Variants in FHIT observed in about 807,000 individuals in gnomAD.
FHIT encodes fragile histidine triad diadenosine triphosphatase.
FHIT carries 19 observed loss-of-function variants against 17.9 expected under a neutral mutation model. That is an observed-to-expected ratio of 1.06 (90% CI 0.74 to 1.56). The LOEUF is 1.56. FHIT is among the 40% of genes most tolerant of loss of function. The pLI is 0.00. For missense variants in FHIT, 248 were observed against 189.2 expected (o/e 1.31, Z -1.82); for synonymous variants, 81 against 69.7 (o/e 1.16, Z -0.81).
chr3:60,160,463 T>A (rs1700891546), intron 5 of FHIT, among the ~76,000 whole-genome samples: 2 of 152,192 alleles, frequency 1.3e-5, no homozygotes, highest in Admixed American at 1.3e-4. Context: ...TACAACTATC[T>A]TTTTTGTTGT....
chr3:61,228,035 A>G (rs2040012246), intron 1 of FHIT, among the ~76,000 whole-genome samples: 1 of 152,190 alleles, frequency 6.6e-6, no homozygotes, highest in African/African-American at 2.4e-5. Context: ...AACACAATCT[A>G]CAGCTACTTT....
chr3:60,637,503 A>G (rs2039618510), intron 4 of FHIT, among the ~76,000 whole-genome samples: 1 of 152,142 alleles, frequency 6.6e-6, no homozygotes, highest in Non-Finnish European at 1.5e-5. Flanking sequence ...CATTAGATAC[A>G]TAATAATTTG....
intron 5 of FHIT, among the ~76,000 whole-genome samples, chr3:60,452,877 G>T (rs573924785): frequency 9.2e-5 from 14 of 152,256 alleles, no homozygotes; most frequent in Admixed American, 3.3e-4. Flanking sequence ...GTATGCAAAT[G>T]TAAGTGTCTT....
At chr3:60,545,505 T>C (rs768109860) in intron 4 of FHIT, among the ~76,000 whole-genome samples, 1 of 152,220 alleles carries the variant, frequency 6.6e-6, no homozygotes, top group Non-Finnish European at 1.5e-5. Flanking sequence ...AGCTATATAT[T>C]GCCGTGAAAG....
chr3:60,615,584 A>T (rs1315899055), intron 4 of FHIT, among the ~76,000 whole-genome samples: 1 of 152,232 alleles, frequency 6.6e-6, no homozygotes, highest in African/African-American at 2.4e-5. Context: ...ACTTACATTG[A>T]TCATAACAGT....
chr3:60,296,013 T>C (rs986056639), intron 5 of FHIT, among the ~76,000 whole-genome samples: 2 of 152,120 alleles, frequency 1.3e-5, no homozygotes, highest in African/African-American at 4.8e-5. Flanking sequence ...CAAGATCTGA[T>C]GGTTTTATAA....
At chr3:60,141,452 G>C (rs1700036215) in intron 5 of FHIT, among the ~76,000 whole-genome samples, 2 of 146,150 alleles carry the variant, frequency 1.4e-5, no homozygotes, top group Admixed American at 1.4e-4. Context: ...AAAAATCAAA[G>C]CGAGAAAGTC....
At chr3:60,407,153 ACTG>A (rs1439444133) in intron 5 of FHIT, among the ~76,000 whole-genome samples, 2 of 129,070 alleles carry the variant, frequency 1.5e-5, no homozygotes, top group African/African-American at 2.9e-5. Flanking sequence ...GCTAACTGTT[ACTG>A]GTAAAAACAC....
At chr3:60,227,317 A>G (rs975083394) in intron 5 of FHIT, among the ~76,000 whole-genome samples, 2 of 152,198 alleles carry the variant, frequency 1.3e-5, no homozygotes, top group African/African-American at 2.4e-5. Flanking sequence ...CAGAACTCTA[A>G]TACCTTAACT....
chr3:60,948,880 A>C (rs1553776412), intron 3 of FHIT, among the ~76,000 whole-genome samples: 1 of 152,186 alleles, frequency 6.6e-6, no homozygotes, highest in East Asian at 1.9e-4. Flanking sequence ...ATTTACCAAA[A>C]GGTCAACACC....
chr3:60,339,841 T>C (rs890285099), intron 5 of FHIT, among the ~76,000 whole-genome samples: 1 of 152,186 alleles, frequency 6.6e-6, no homozygotes, highest in Non-Finnish European at 1.5e-5. Flanking sequence ...CTTGTTGCTA[T>C]GCACGCTCAT....
intron 5 of FHIT, among the ~76,000 whole-genome samples, chr3:60,215,227 C>T (rs1024670405): frequency 3.9e-5 from 6 of 152,132 alleles, no homozygotes; most frequent in South Asian, 2.1e-4. Flanking sequence ...CCTGGTGGCT[C>T]ACAGCTGTAA....
chr3:60,252,152 G>A (rs1405913026), intron 5 of FHIT, among the ~76,000 whole-genome samples: 2 of 152,158 alleles, frequency 1.3e-5, no homozygotes, highest in African/African-American at 4.8e-5. Flanking sequence ...CAACAGCTCT[G>A]TTGTTAAAGG....
chr3:61,211,109 G>A (rs2039453264), intron 1 of FHIT, among the ~76,000 whole-genome samples: 1 of 151,856 alleles, frequency 6.6e-6, no homozygotes, highest in Non-Finnish European at 1.5e-5. Flanking sequence ...ATTTCCATCT[G>A]AGGTACCAGG....
intron 5 of FHIT, among the ~76,000 whole-genome samples, chr3:60,525,723 T>G (rs575972719): frequency 6.6e-6 from 1 of 152,330 alleles, no homozygotes; most frequent in Admixed American, 6.5e-5. Context: ...TTTTATTACT[T>G]AGAGCTCTCT....
At chr3:60,024,869 G>A (rs1700681602) in intron 5 of FHIT, among the ~76,000 whole-genome samples, 1 of 152,234 alleles carries the variant, frequency 6.6e-6, no homozygotes, top group South Asian at 2.1e-4. Context: ...ATTTCGGAGA[G>A]TGGAGATGTA....
chr3:61,144,018 G>A (rs1041843976), intron 2 of FHIT, among the ~76,000 whole-genome samples: 5 of 152,102 alleles, frequency 3.3e-5, no homozygotes, highest in African/African-American at 1.2e-4. Flanking sequence ...CTATTCTATT[G>A]CCAATGTGCT....
intron 5 of FHIT, among the ~76,000 whole-genome samples, chr3:60,248,627 T>C (rs1237460447): frequency 6.6e-6 from 1 of 152,154 alleles, no homozygotes; most frequent in Non-Finnish European, 1.5e-5. Context: ...AGAAAAATGA[T>C]ATAGCCTACC....
At chr3:59,786,060 G>A (rs1699275642) in intron 8 of FHIT, among the ~76,000 whole-genome samples, 2 of 152,156 alleles carry the variant, frequency 1.3e-5, no homozygotes, top group South Asian at 4.1e-4. Context: ...CAAGACACCA[G>A]GTAAATATAT....
Sources: gnomAD v4.1 joint callset for allele counts (sites outside exome capture counted in the v4.1 genomes callset) on GRCh38, gnomAD v4.1.1 for gene constraint, MANE v1.5 for transcripts, NCBI Gene and HGNC (gene_info 2026-07-23, HGNC 2026-07-21) for gene names.